The following ARHGAP26 variants were observed in gnomAD, a reference collection of about 807,000 sequenced individuals.
ARHGAP26 encodes Rho GTPase activating protein 26, also known as rho GTPase-activating protein 26.
A neutral mutation model predicts 104.8 loss-of-function variants in ARHGAP26; 38 were observed. That is an observed-to-expected ratio of 0.36 (90% confidence interval 0.28 to 0.48). The LOEUF is 0.48. Ranked by LOEUF, ARHGAP26 falls within the 20% of genes least tolerant of loss-of-function variation. ARHGAP26 has a pLI of 0.99. For missense variants in ARHGAP26, 704 were observed against 947.9 expected (o/e 0.74, Z 3.38); for synonymous variants, 341 against 340.0 (o/e 1.00, Z -0.03).
At chr5:143,092,973 T>C (rs1791684823) in intron 17 of ARHGAP26, among the ~76,000 whole-genome samples, 1 of 152,232 alleles carries the variant, frequency 6.6e-6, no homozygotes, top group African/African-American at 2.4e-5. Context: ...CGTCCTGTCC[T>C]GAAGGGAGTT....
chr5:142,809,410 A>T (rs1200247350), intron 1 of ARHGAP26, among the ~76,000 whole-genome samples: 1 of 152,224 alleles, frequency 6.6e-6, no homozygotes, highest in Non-Finnish European at 1.5e-5. Flanking sequence ...GCAATTCTGC[A>T]TTCCCAGCAG....
In ARHGAP26 at chr5:142,846,082, C is replaced by T. The variant is rs117297545; in HGVS notation, c.155-27318C>T. 2.0e-4 allele frequency among the ~76,000 whole-genome samples: 31 copies of T among 152,272 alleles called. 1 individual carries two copies. The East Asian group carries it at 5.4e-3, about 27-fold the overall frequency. ...CTAAGGTATCCATGTGTGAAAGCCACGCATTAGTTTCAAGGGAGGGCAGTG... is the reference window on the plus strand; with the variant it reads ...CTAAGGTATCCATGTGTGAAAGCCATGCATTAGTTTCAAGGGAGGGCAGTG... On this transcript the variant is annotated intron_variant, in intron 1 of 22. Coordinates refer to ENST00000645722, the MANE Select transcript of ARHGAP26 (RefSeq NM_001135608.3).
intron 10 of ARHGAP26, among the ~76,000 whole-genome samples, chr5:142,928,943 T>A (rs117922592): frequency 6.6e-6 from 1 of 152,198 alleles, no homozygotes; most frequent in Non-Finnish European, 1.5e-5. Flanking sequence ...TTATCCTCCT[T>A]CTTTTTTTAT....
intron 18 of ARHGAP26, among the ~76,000 whole-genome samples, chr5:143,129,351 C>T (rs1797064606): frequency 6.6e-6 from 1 of 152,104 alleles, no homozygotes; most frequent in South Asian, 2.1e-4. Flanking sequence ...CTGTATTAGG[C>T]GTGTCAGTCC....
At chr5:142,976,751 C>T (rs1773152450) in intron 11 of ARHGAP26, among the ~76,000 whole-genome samples, 1 of 152,168 alleles carries the variant, frequency 6.6e-6, no homozygotes, top group South Asian at 2.1e-4. Context: ...GGAATTTCAA[C>T]TCTTAAAAGC....
intron 11 of ARHGAP26, among the ~76,000 whole-genome samples, chr5:142,964,543 AACACACAC>A (rs200282524): frequency 1.1e-4 from 8 of 74,684 alleles, no homozygotes; most frequent in African/African-American, 3.7e-4. Flanking sequence ...CTCTGTTTAA[AACACACAC>A]ACACACACAC....
intron 1 of ARHGAP26, among the ~76,000 whole-genome samples, chr5:142,778,003 A>G (rs1756693498): frequency 6.6e-6 from 1 of 152,060 alleles, no homozygotes; most frequent in African/African-American, 2.4e-5. Context: ...ATGACCAGTA[A>G]GGAAGCTGTT....
Position 142,894,285 on chromosome 5 carries a change from C to T in ARHGAP26, c.534C>T (p.Ser178=), listed in dbSNP as rs780058319. Residue 178 remains serine (S), a synonymous_variant, in exon 6 of 23, where the codon TCC becomes TCT. Coordinates refer to ENST00000645722, the MANE Select transcript of ARHGAP26 (RefSeq NM_001135608.3). Reference sequence around the variant, plus strand: ...TCCGGCAGCATTTCTATGAAGTATCCCTGGAATATGTCTTCAAGGTGCAGG... The same window carrying T: ...TCCGGCAGCATTTCTATGAAGTATCTCTGGAATATGTCTTCAAGGTGCAGG... ...DLVRQHFYEV[S]LEYVFKVQEV... 6.3e-5 allele frequency: 102 copies of T among 1,613,780 alleles called. No homozygotes were observed. Among genetic ancestry groups the T allele is most frequent in the Non-Finnish European group, 8.2e-5 (97 of 1,179,958 alleles).
chr5:143,132,459 A>G (rs527954042), intron 18 of ARHGAP26, among the ~76,000 whole-genome samples: 1 of 151,892 alleles, frequency 6.6e-6, no homozygotes, highest in South Asian at 2.1e-4. Context: ...AGAGATGGTA[A>G]TGAGTGGATC....
chr5:143,210,190 G>A (rs1207175335), intron 21 of ARHGAP26, among the ~76,000 whole-genome samples: 1 of 152,174 alleles, frequency 6.6e-6, no homozygotes, highest in Non-Finnish European at 1.5e-5. Flanking sequence ...CACGTGGCTG[G>A]GGAGGCCTCA....
chr5:142,880,654 G>A, intron 4 of ARHGAP26, among the ~76,000 whole-genome samples: 1 of 152,144 alleles, frequency 6.6e-6, no homozygotes, highest in East Asian at 1.9e-4. Context: ...TGTTTTTCTG[G>A]AACTGTGAGT....
chr5:142,920,001 C>A (rs1295571122), intron 10 of ARHGAP26, among the ~76,000 whole-genome samples: 1 of 152,144 alleles, frequency 6.6e-6, no homozygotes, highest in Non-Finnish European at 1.5e-5. Context: ...GACTCCATCT[C>A]AGTAAAATAA....
At chr5:143,103,244 T>G (rs893815641) in intron 17 of ARHGAP26, 1 of 985,088 alleles carries the variant, frequency 1.0e-6, no homozygotes, top group East Asian at 1.1e-4. Context: ...GGGAAAAAGT[T>G]CAATATCATT....
chr5:142,918,530 A>G (rs1204542115), intron 10 of ARHGAP26, among the ~76,000 whole-genome samples: 2 of 152,228 alleles, frequency 1.3e-5, no homozygotes, highest in Non-Finnish European at 2.9e-5. Context: ...TTTGATATCT[A>G]AAAAGTAGAC....
chr5:143,171,989 A>G (rs1351274371), intron 20 of ARHGAP26, among the ~76,000 whole-genome samples: 1 of 152,192 alleles, frequency 6.6e-6, no homozygotes, highest in Admixed American at 6.5e-5. Flanking sequence ...TGGTTTCAAT[A>G]GATTTATTAA....
intron 12 of ARHGAP26, among the ~76,000 whole-genome samples, chr5:143,022,471 A>G (rs771595169): frequency 3.9e-5 from 6 of 152,204 alleles, no homozygotes; most frequent in Admixed American, 6.5e-5. Context: ...AGGAGTATTC[A>G]ACTCCGCTAT....
At chr5:143,072,073 G>GA (rs552652649) in intron 17 of ARHGAP26, among the ~76,000 whole-genome samples, 29 of 146,328 alleles carry the variant, frequency 2.0e-4, no homozygotes, top group East Asian at 2.0e-3. Context: ...ATCTCAACAG[G>GA]AAAAAAAAAA....
At chr5:142,963,090 C>A (rs910602412) in intron 11 of ARHGAP26, among the ~76,000 whole-genome samples, 1 of 150,368 alleles carries the variant, frequency 6.7e-6, no homozygotes, top group African/African-American at 2.5e-5. Flanking sequence ...CTAAGGATAA[C>A]GACCTCCAGC....
intron 1 of ARHGAP26, among the ~76,000 whole-genome samples, chr5:142,806,473 ATGTGTGTGTGTGTGTGTG>A (rs34179083): frequency 6.8e-6 from 1 of 147,670 alleles, no homozygotes; most frequent in African/African-American, 2.5e-5. Flanking sequence ...AGGCAATGAA[ATGTGTGTGTGTGTGTGTG>A]TGTGTGTGTG....
Sources: gnomAD v4.1 joint callset for allele counts (sites outside exome capture counted in the v4.1 genomes callset) on GRCh38, gnomAD v4.1.1 for gene constraint, MANE v1.5 for transcripts, NCBI Gene and HGNC (gene_info 2026-07-23, HGNC 2026-07-21) for gene names.